Variants in AK8 observed in about 807,000 individuals in gnomAD.
AK8 encodes ATP-AMP transphosphorylase 8.
Under a neutral mutation model 54.6 loss-of-function variants are expected in AK8, and 44 were observed. The ratio of observed to expected loss-of-function variants is 0.81; its 90% confidence interval spans 0.63 to 1.04. AK8 has a LOEUF of 1.04. AK8 is among the 50% of genes least tolerant of loss of function. The pLI, the probability that AK8 is intolerant of heterozygous loss-of-function variation, is 0.00. For missense variants in AK8, 555 were observed against 613.6 expected, an observed-to-expected ratio of 0.90 and a Z score of 1.01; for synonymous variants, 239 against 245.6, an observed-to-expected ratio of 0.97 and a Z score of 0.25.
chr9:132,727,326 T>G, intron 12 of AK8, 128 bp downstream of exon 12: 1 of 862,816 alleles, frequency 1.2e-6, no homozygotes, highest in Non-Finnish European at 1.9e-6. Context: ...TAAAGTCCAT[T>G]TTGATAATCG....
chr9:132,834,689 G>A (rs1357059911), intron 5 of AK8, among the ~76,000 whole-genome samples: 2 of 152,240 alleles, frequency 1.3e-5, no homozygotes, highest in East Asian at 3.9e-4. Flanking sequence ...AAATATGCAG[G>A]AGTGATTTTT....
intron 5 of AK8, among the ~76,000 whole-genome samples, chr9:132,847,050 C>T (rs1223522274): frequency 6.6e-6 from 1 of 152,186 alleles, no homozygotes; most frequent in Non-Finnish European, 1.5e-5. Context: ...TGCCTGGATC[C>T]CAGAGACTTC....
rs10901211 is a variant in AK8 at position 132,762,698 on chromosome 9, G to A, written c.1121+29936C>T. On this transcript the variant is annotated intron_variant, in intron 11 of 12. Coordinates refer to ENST00000298545, the MANE Select transcript of AK8 (RefSeq NM_152572.3). Reference sequence around the variant, plus strand: ...GCGGGCGGATCACCTGAGGTCAGGAGTTCCAGACCAGCCTGGCCAATATGG... The same window carrying A: ...GCGGGCGGATCACCTGAGGTCAGGAATTCCAGACCAGCCTGGCCAATATGG... Among the ~76,000 whole-genome samples the A allele has an allele frequency of 4.5e-3, 677 of 152,120 alleles. 28 individuals are homozygous for A. The East Asian group carries it at 0.1, about 24-fold the overall frequency.
intron 11 of AK8, among the ~76,000 whole-genome samples, chr9:132,736,233 C>G (rs552737629): frequency 7.0e-6 from 1 of 142,734 alleles, no homozygotes. Flanking sequence ...GTCCCCTAGT[C>G]TGGAGTGGAA....
At chr9:132,823,099 C>A (rs890409647) in intron 9 of AK8, 106 bp downstream of exon 9, 88 of 1,439,194 alleles carry the variant, frequency 6.1e-5, no homozygotes, top group Non-Finnish European at 8.0e-5. Context: ...GTGATACTGA[C>A]CCTTCCCCCC....
chr9:132,788,898 G>T (rs114680805), intron 11 of AK8, among the ~76,000 whole-genome samples: 3,722 of 152,234 alleles, frequency 0.024, 150 homozygotes, highest in African/African-American at 0.085. Flanking sequence ...CCATATTATA[G>T]ATGCATATTA....
At chr9:132,818,849 T>TAA (rs111884643) in intron 9 of AK8, among the ~76,000 whole-genome samples, 1 of 143,004 alleles carries the variant, frequency 7.0e-6, no homozygotes, top group Non-Finnish European at 1.5e-5. Flanking sequence ...CCCCGTCTCT[T>TAA]AAAAAAAAAA....
At chr9:132,821,164 C>T (rs1841582999) in intron 9 of AK8, among the ~76,000 whole-genome samples, 1 of 151,820 alleles carries the variant, frequency 6.6e-6, no homozygotes, top group African/African-American at 2.4e-5. Context: ...AGAGTGTCTG[C>T]ATCATAAAAC....
At position 132,878,140 on chromosome 9, in the gene AK8, C is replaced by T. The variant is rs1378767718; in HGVS notation, c.84+32G>A. On this transcript the variant is annotated intron_variant, in intron 1 of 12. Coordinates refer to ENST00000298545, the MANE Select transcript of AK8 (RefSeq NM_152572.3). The surrounding 1 kb of genome is among the most constrained non-coding windows in gnomAD (Gnocchi z 4.7). ...GCAGTGGAGGCTCCCGAGCCGCCGC[C>T]AGCGTCGCGACGGGCAGGGGTGTCC... 1 of 1,536,086 alleles carries T rather than the reference C, an allele frequency of 6.5e-7. No individual in the cohort carries two copies. Among genetic ancestry groups the T allele is most frequent in the Non-Finnish European group, 8.8e-7 (1 of 1,141,220 alleles).
At chr9:132,786,489 G>A (rs1196630325) in intron 11 of AK8, among the ~76,000 whole-genome samples, 1 of 152,104 alleles carries the variant, frequency 6.6e-6, no homozygotes. Flanking sequence ...CAGAGAGGGG[G>A]TCCTGGCAGC....
chr9:132,734,324 T>C (rs1365709486), intron 11 of AK8, among the ~76,000 whole-genome samples: 1 of 152,132 alleles, frequency 6.6e-6, no homozygotes, highest in Non-Finnish European at 1.5e-5. Context: ...CTCTAATCCA[T>C]GGTCTCATCC....
chr9:132,750,654 G>A (rs1306149728), intron 11 of AK8, among the ~76,000 whole-genome samples: 4 of 151,902 alleles, frequency 2.6e-5, no homozygotes, highest in Admixed American at 6.6e-5. Context: ...AGATTCTAGC[G>A]CTTCAAAGGA....
At chr9:132,795,925 G>A (rs145002795) in intron 10 of AK8, among the ~76,000 whole-genome samples, 167 of 152,266 alleles carry the variant, frequency 1.1e-3, no homozygotes, top group African/African-American at 3.8e-3. Flanking sequence ...ATTGTTTAGC[G>A]GTGAGAATTA....
rs1842387270 is a variant in AK8, at chr9:132,837,801, A to G, written c.403-9075T>C. Among the ~76,000 whole-genome samples, 2 of 152,224 alleles carry G rather than the reference A, an allele frequency of 1.3e-5. No individual in the cohort carries two copies. The highest frequency in any genetic ancestry group is 4.1e-4 in the South Asian group (2 of 4,830). On this transcript the variant is annotated intron_variant, in intron 5 of 12. Coordinates refer to ENST00000298545, the MANE Select transcript of AK8 (RefSeq NM_152572.3). This position sits in a 1 kb window ranked among gnomAD's most constrained non-coding sequence, Gnocchi z 4.3. The stretch of plus-strand genomic sequence containing the variant: ...GAAACACCCACAAATAAGGGGGCAC[A>G]GGAGGTGTGCTCACTGTGCTGTGCC...
At chr9:132,794,171 G>GA (rs1221070204) in intron 10 of AK8, among the ~76,000 whole-genome samples, 1 of 152,170 alleles carries the variant, frequency 6.6e-6, no homozygotes, top group Non-Finnish European at 1.5e-5. Context: ...CAGTCCCTAG[G>GA]AAAGAGCAGA....
chr9:132,815,694 G>T (rs1310624221), intron 9 of AK8, among the ~76,000 whole-genome samples: 2 of 152,240 alleles, frequency 1.3e-5, no homozygotes, highest in East Asian at 3.8e-4. Flanking sequence ...CCTGAGCTAG[G>T]GCCGGCACAA....
intron 9 of AK8, among the ~76,000 whole-genome samples, chr9:132,820,695 T>G (rs955840659): frequency 6.6e-6 from 1 of 152,246 alleles, no homozygotes; most frequent in African/African-American, 2.4e-5. Flanking sequence ...AAGTGAGGTC[T>G]TCTGATGAAC....
chr9:132,752,613 C>T (rs1180989570), intron 11 of AK8, among the ~76,000 whole-genome samples: 2 of 151,918 alleles, frequency 1.3e-5, no homozygotes, highest in Non-Finnish European at 2.9e-5. Context: ...AAATAACCAC[C>T]TTCGCCACAC....
chr9:132,802,222 C>A (rs549695945), intron 10 of AK8, among the ~76,000 whole-genome samples: 1 of 152,154 alleles, frequency 6.6e-6, no homozygotes, highest in East Asian at 1.9e-4. Flanking sequence ...TGCAGCCCAT[C>A]CTGAACAAAA....
Sources: gnomAD v4.1 joint callset for allele counts (sites outside exome capture counted in the v4.1 genomes callset) on GRCh38, gnomAD v4.1.1 for gene constraint, Gnocchi (gnomAD v3.1) non-coding constraint, MANE v1.5 for transcripts, NCBI Gene and HGNC (gene_info 2026-07-23, HGNC 2026-07-21) for gene names.